The following STK32B variants were observed in gnomAD, a reference collection of about 807,000 sequenced individuals.
The protein encoded by STK32B is serine/threonine-protein kinase 32B.
STK32B carries 43 observed loss-of-function variants against 52.6 expected under a neutral mutation model. That is an observed-to-expected ratio of 0.82 (90% CI 0.64 to 1.05). The LOEUF is 1.05. Among genes scored for constraint, STK32B ranks in the 50% least tolerant of loss-of-function variants. STK32B has a pLI of 0.00. For synonymous variants in STK32B, 238 were observed against 204.3 expected, an observed-to-expected ratio of 1.17 and a Z score of -1.41; for missense variants, 621 against 534.6, an observed-to-expected ratio of 1.16 and a Z score of -1.59.
the STK32B span, chr4:5,019,423 G>A: frequency 6.7e-7 from 1 of 1,483,676 alleles, no homozygotes; most frequent in Non-Finnish European, 8.9e-7. Context: ...CAGCAGCACG[G>A]GCAGAGGCCC....
chr4:5,118,678 A>C (rs1714868494), intron 1 of STK32B, among the ~76,000 whole-genome samples: 1 of 152,080 alleles, frequency 6.6e-6, no homozygotes, highest in Admixed American at 6.5e-5. Flanking sequence ...CAGTTGTCCT[A>C]CTTATTTGCT....
intron 1 of STK32B, among the ~76,000 whole-genome samples, chr4:5,124,818 AC>A (rs1429928296): frequency 1.3e-5 from 2 of 152,112 alleles, no homozygotes; most frequent in Non-Finnish European, 2.9e-5. Flanking sequence ...AGAATTCGTC[AC>A]CTACTGGGTC....
At chr4:5,374,553 C>T (rs1257425170) in intron 4 of STK32B, among the ~76,000 whole-genome samples, 2 of 152,122 alleles carry the variant, frequency 1.3e-5, no homozygotes, top group African/African-American at 4.8e-5. Context: ...GGAGGAAGTC[C>T]AAGACTGAAG....
chr4:5,424,133 A>C (rs1712872887), intron 6 of STK32B, among the ~76,000 whole-genome samples: 2 of 152,270 alleles, frequency 1.3e-5, no homozygotes, highest in African/African-American at 2.4e-5. Flanking sequence ...GCACATGCTC[A>C]GGGCAGCACT....
rs140733379 is a variant in STK32B at position 5,360,520 on chromosome 4, G to T, written c.434+29127G>T. Among the ~76,000 whole-genome samples the T allele has an allele frequency of 2.8e-4, 43 of 152,302 alleles. No individual in the cohort carries two copies. In the East Asian group the frequency reaches 7.3e-3, roughly 26 times the overall value. ...TGTGTGCGCTCTACTGTGAGGGGCTGGTTGTTGTCTGATAATTGGAGATGT... is the reference window on the plus strand; with the variant it reads ...TGTGTGCGCTCTACTGTGAGGGGCTTGTTGTTGTCTGATAATTGGAGATGT... On this transcript the variant is annotated intron_variant, in intron 4 of 11. Transcript: ENST00000282908.
At chr4:5,433,374 G>A (rs1180687658) in intron 6 of STK32B, among the ~76,000 whole-genome samples, 1 of 152,308 alleles carries the variant, frequency 6.6e-6, no homozygotes, top group Non-Finnish European at 1.5e-5. Flanking sequence ...GACAGGTTGA[G>A]TTGTGCCCAT....
In STK32B at chr4:5,198,883, G is replaced by T. The variant is rs73093678; in HGVS notation, c.260+30433G>T. Among the ~76,000 whole-genome samples the T allele has an allele frequency of 6.5e-3, 995 of 152,264 alleles. 7 individuals carry two copies. The highest frequency in any genetic ancestry group is 0.022 in the African/African-American group (907 of 41,540). ...CAGGCTGACTTAAAATCCCTGCTGC[G>T]CACAGTGTTTATACAGAGGTGGCTG... On this transcript the variant is annotated intron_variant, in intron 3 of 11. Transcript: ENST00000282908.
intron 2 of STK32B, among the ~76,000 whole-genome samples, chr4:5,159,812 T>TATATATATGAA (rs1553840576): frequency 9.4e-5 from 14 of 149,328 alleles, no homozygotes; most frequent in African/African-American, 1.5e-4. Flanking sequence ...TATATATATG[T>TATATATATGAA]TATTGGAGTT....
chr4:5,486,452 G>A (rs916489617), intron 11 of STK32B, among the ~76,000 whole-genome samples: 103 of 152,348 alleles, frequency 6.8e-4, no homozygotes, highest in African/African-American at 2.4e-3. Flanking sequence ...ATTAGGGTGG[G>A]AGGGACCTGA....
rs139425894 is a variant in STK32B, at chr4:5,325,205, G to A, written c.261-6015G>A. The stretch of plus-strand genomic sequence containing the variant: ...CCTGTTCCACTTATTACTGTGTTTA[G>A]AGTTATTTTATGTAGACTCATGGTT... On this transcript the variant is annotated intron_variant, in intron 3 of 11. Coordinates refer to ENST00000282908, the MANE Select transcript of STK32B (RefSeq NM_018401.3). Among the ~76,000 whole-genome samples the A allele has an allele frequency of 2.0e-5, 3 of 152,208 alleles. No homozygotes were observed. The East Asian group carries it at 5.8e-4, about 29-fold the overall frequency.
intron 4 of STK32B, among the ~76,000 whole-genome samples, chr4:5,381,029 T>C (rs1454085353): frequency 6.6e-6 from 1 of 151,988 alleles, no homozygotes; most frequent in Non-Finnish European, 1.5e-5. Flanking sequence ...TGATCATTTG[T>C]TTTCCTCCCA....
At chr4:5,496,020 G>T (rs1720210339) in intron 11 of STK32B, among the ~76,000 whole-genome samples, 2 of 152,206 alleles carry the variant, frequency 1.3e-5, no homozygotes, top group South Asian at 2.1e-4. Flanking sequence ...CTGCTCGGGG[G>T]CAGGGGTCAG....
At chr4:5,452,303 C>T (rs970210263) in intron 7 of STK32B, among the ~76,000 whole-genome samples, 1 of 151,844 alleles carries the variant, frequency 6.6e-6, no homozygotes, top group Non-Finnish European at 1.5e-5. Context: ...CCCAGAGCTC[C>T]GCCGAGAGGT....
At chr4:5,032,431 T>C in the STK32B span, among the ~76,000 whole-genome samples, 1 of 141,748 alleles carries the variant, frequency 7.1e-6, no homozygotes, top group Non-Finnish European at 1.5e-5. Flanking sequence ...TAGCCGAGAT[T>C]GTGCCATTGC....
chr4:5,121,632 C>T (rs1169996197), intron 1 of STK32B, among the ~76,000 whole-genome samples: 2 of 152,164 alleles, frequency 1.3e-5, no homozygotes, highest in Non-Finnish European at 2.9e-5. Flanking sequence ...TTTGATCCAC[C>T]AGGTAGTGTA....
At chr4:5,083,846 G>T (rs1382160777) in intron 1 of STK32B, among the ~76,000 whole-genome samples, 1 of 151,376 alleles carries the variant, frequency 6.6e-6, no homozygotes, top group Non-Finnish European at 1.5e-5. Context: ...AAGCAATTGT[G>T]CTGCGTTGGC....
chr4:5,491,089 A>G (rs913378288), intron 11 of STK32B, among the ~76,000 whole-genome samples: 4 of 152,220 alleles, frequency 2.6e-5, no homozygotes, highest in African/African-American at 9.6e-5. Flanking sequence ...GTATATACCC[A>G]GTAATGGGAT....
At chr4:5,376,650 G>A (rs941378288) in intron 4 of STK32B, among the ~76,000 whole-genome samples, 8 of 152,132 alleles carry the variant, frequency 5.3e-5, no homozygotes, top group African/African-American at 1.9e-4. Context: ...TCAGGATGAT[G>A]GAAATGAGGC....
chr4:5,249,661 C>T (rs75794444), intron 3 of STK32B, among the ~76,000 whole-genome samples: 1 of 152,184 alleles, frequency 6.6e-6, no homozygotes, highest in Non-Finnish European at 1.5e-5. Flanking sequence ...CATAATTTCA[C>T]TCTTCCTTGA....
Sources: allele counts gnomAD v4.1 joint callset (sites outside exome capture counted in the v4.1 genomes callset), GRCh38; gene constraint gnomAD v4.1.1; transcripts MANE v1.5; gene names NCBI Gene and HGNC (gene_info 2026-07-23, HGNC 2026-07-21).